Variants in TENT5D observed in about 807,000 individuals in gnomAD.
TENT5D encodes the protein cancer/testis antigen 112.
For synonymous variants in TENT5D, 103 were observed against 100.6 expected (o/e 1.02, Z -0.15); for missense variants, 191 against 287.0 (o/e 0.67, Z 2.42).
At chrX:80,353,325 A>T (rs1334771286) in intron 3 of TENT5D, among the ~76,000 whole-genome samples, 3 of 111,883 alleles carry the variant, frequency 2.7e-5, no homozygotes, top group Non-Finnish European at 5.6e-5. Flanking sequence ...GGTTTGTTCA[A>T]TAGATAAATT....
At chrX:80,357,557 C>G (rs1351517071) in intron 3 of TENT5D, among the ~76,000 whole-genome samples, 1 of 111,153 alleles carries the variant, frequency 9.0e-6, no homozygotes, top group Non-Finnish European at 1.9e-5. Context: ...GCATAAATGT[C>G]TTCTTTTGAG....
At chrX:80,391,960 A>G (rs187623534) in intron 3 of TENT5D, among the ~76,000 whole-genome samples, 124 of 112,636 alleles carry the variant, frequency 1.1e-3, no homozygotes, top group Middle Eastern at 4.6e-3. Context: ...GCAGTTTGGT[A>G]TAATAGAAAG....
intron 3 of TENT5D, among the ~76,000 whole-genome samples, chrX:80,391,506 AATC>A (rs764529168): frequency 1.8e-5 from 2 of 111,970 alleles, no homozygotes; most frequent in East Asian, 5.6e-4. Context: ...CTTCTTTCTA[AATC>A]ATCATGCATT....
At chrX:80,370,715 A>G (rs903474230) in intron 3 of TENT5D, among the ~76,000 whole-genome samples, 1 of 111,379 alleles carries the variant, frequency 9.0e-6, no homozygotes, top group Non-Finnish European at 1.9e-5. Flanking sequence ...TCCTACTTTA[A>G]GCAAATGTGC....
intron 3 of TENT5D, among the ~76,000 whole-genome samples, chrX:80,411,423 C>T (rs181408350): frequency 1.5e-4 from 17 of 111,505 alleles, no homozygotes; most frequent in Non-Finnish European, 2.8e-4. Flanking sequence ...CCTAGACATT[C>T]GTCTTTCTTA....
In TENT5D at chrX:80,346,595, G is replaced by A. The variant is rs145783494; in HGVS notation, c.-142+4031G>A. Among the ~76,000 whole-genome samples, 344 of 112,012 alleles carry A rather than the reference G, an allele frequency of 3.1e-3. 1 individual carries two copies. The highest frequency in any genetic ancestry group is 4.8e-3 in the Non-Finnish European group (256 of 53,233). On this transcript the variant is annotated intron_variant, in intron 3 of 4. Coordinates refer to the TENT5D transcript ENST00000538312. The stretch of plus-strand genomic sequence containing the variant: ...TGCATTTATCTAAAGGCTCATGATA[G>A]TGCGCAGCTTTAATGTGCTTGTCAT...
intron 1 of TENT5D, among the ~76,000 whole-genome samples, chrX:80,432,765 T>C (rs1232847784): frequency 1.8e-5 from 2 of 110,767 alleles, no homozygotes; most frequent in Non-Finnish European, 3.8e-5. Flanking sequence ...AGCAAAAGTT[T>C]AATAAGTGAA....
chrX:80,361,957 T>G (rs1930414646), intron 3 of TENT5D, among the ~76,000 whole-genome samples: 1 of 110,867 alleles, frequency 9.0e-6, no homozygotes, highest in South Asian at 3.9e-4. Context: ...CAATAGGAAG[T>G]TTTTTATCCC....
rs753889513 is a variant in TENT5D, at chrX:80,409,942, G to A, written c.-141-28668G>A. On this transcript the variant is annotated intron_variant, in intron 3 of 4. Transcript: ENST00000538312. ...GAACAGAGCCCTCAGAAATAACACC[G>A]CATATCTACAACTATCTGATCTTTG... 1.1e-3 allele frequency among the ~76,000 whole-genome samples: 122 copies of A among 108,957 alleles called. 2 individuals are homozygous for A. Among genetic ancestry groups the A allele is most frequent in the Admixed American group, 1.9e-3 (19 of 10,171 alleles). 94.6% of individuals were successfully genotyped at this position (108,957 alleles called of 115,157 possible). A position where few individuals can be genotyped will look rare whatever the true frequency, so the allele number is the denominator to read the frequency against.
Position 80,375,573 on chromosome X carries a change from C to G in TENT5D, c.-142+33009C>G, listed in dbSNP as rs200182078. 1.6e-4 allele frequency among the ~76,000 whole-genome samples: 18 copies of G among 111,371 alleles called. No individual in the cohort carries two copies. In the East Asian group the frequency reaches 5.1e-3, roughly 31 times the overall value. On this transcript the variant is annotated intron_variant, in intron 3 of 4. Coordinates refer to the TENT5D transcript ENST00000538312. ...CAATTTGTCCATGTATATTTTCAGT[C>G]AGTTTAATTCAGGTGACCTTTTCAT...
chrX:80,434,707 A>G (rs2147567982), intron 1 of TENT5D, among the ~76,000 whole-genome samples: 1 of 110,793 alleles, frequency 9.0e-6, no homozygotes, highest in Admixed American at 9.6e-5. Flanking sequence ...CATTTTTTGG[A>G]AGGAAATTTG....
chrX:80,442,795 A>G (rs1463001407), exon 3 of TENT5D: 2 of 1,209,654 alleles, frequency 1.7e-6, no homozygotes, highest in African/African-American at 1.7e-5. Context: ...TCTGGACGTT[A>G]TTTTTGGTGT....
intron 1 of TENT5D, among the ~76,000 whole-genome samples, chrX:80,431,975 T>A (rs1417682102): frequency 4.5e-5 from 5 of 111,019 alleles, no homozygotes; most frequent in African/African-American, 1.6e-4. Flanking sequence ...TAAATAGGTT[T>A]TCAGATAAAT....
chrX:80,432,445 C>T (rs1932106270), intron 1 of TENT5D, among the ~76,000 whole-genome samples: 1 of 111,771 alleles, frequency 8.9e-6, no homozygotes, highest in African/African-American at 3.3e-5. Context: ...AGCCTTTCCC[C>T]TGAGTCTTTA....
intron 1 of TENT5D, among the ~76,000 whole-genome samples, chrX:80,422,141 CAT>C (rs1931898376): frequency 9.0e-6 from 1 of 111,426 alleles, no homozygotes; most frequent in Admixed American, 9.5e-5. Context: ...AGGTAGAATC[CAT>C]ATGATTCCTT....
At chrX:80,379,568 G>A (rs1291051446) in intron 3 of TENT5D, among the ~76,000 whole-genome samples, 4 of 110,881 alleles carry the variant, frequency 3.6e-5, no homozygotes, top group African/African-American at 9.8e-5. Flanking sequence ...GTAGAATTCG[G>A]CTGTGAATCC....
chrX:80,370,351 A>G (rs1930600369), intron 3 of TENT5D, among the ~76,000 whole-genome samples: 1 of 111,772 alleles, frequency 8.9e-6, no homozygotes, highest in African/African-American at 3.2e-5. Flanking sequence ...TGAAATTATT[A>G]TATACTTTTT....
At chrX:80,408,688 A>G (rs1450226801) in intron 3 of TENT5D, among the ~76,000 whole-genome samples, 1 of 111,362 alleles carries the variant, frequency 9.0e-6, no homozygotes, top group African/African-American at 3.3e-5. Context: ...AACTGGTACC[A>G]TTCCTTCTGA....
intron 1 of TENT5D, among the ~76,000 whole-genome samples, chrX:80,424,592 G>A (rs1257052815): frequency 1.8e-5 from 2 of 112,068 alleles, no homozygotes; most frequent in African/African-American, 6.5e-5. Context: ...AATGTAGGTA[G>A]GCAAGAACTT....
Sources: allele counts gnomAD v4.1 joint callset (sites outside exome capture counted in the v4.1 genomes callset), GRCh38; gene constraint gnomAD v4.1.1; transcripts MANE v1.5; gene names NCBI Gene and HGNC (gene_info 2026-07-23, HGNC 2026-07-21).